CCNH: variants seen among roughly 807,000 people sequenced by gnomAD.
The protein encoded by CCNH is cyclin H, also known as cyclin-H.
A neutral mutation model predicts 41.9 loss-of-function variants in CCNH; 31 were observed. That is an observed-to-expected ratio of 0.74 (90% confidence interval 0.56 to 1.00). The LOEUF is 1.00. Ranked by LOEUF, CCNH falls within the 50% of genes least tolerant of loss-of-function variation. The pLI, the probability that CCNH is intolerant of heterozygous loss-of-function variation, is 0.00. For synonymous variants in CCNH, 138 were observed against 136.1 expected (o/e 1.01, Z -0.10); for missense variants, 362 against 388.4 (o/e 0.93, Z 0.57).
chr5:87,394,208 G>A (rs1397046925), downstream of CCNH: 18 of 1,154,212 alleles, frequency 1.6e-5, no homozygotes, highest in Non-Finnish European at 1.8e-5. Context: ...AGGCAAATGA[G>A]TTGCAGCTTT....
intron 9 of CCNH, among the ~76,000 whole-genome samples, chr5:87,354,082 C>T (rs1759475431): frequency 6.6e-6 from 1 of 151,996 alleles, no homozygotes; most frequent in Non-Finnish European, 1.5e-5. Context: ...GATGTTTCCT[C>T]CTAACAAATT....
At chr5:87,372,185 G>A (rs769775990), downstream of CCNH, 2 of 1,613,358 alleles carry the variant, frequency 1.2e-6, no homozygotes, top group South Asian at 2.2e-5. Context: ...TCCAATAAAC[G>A]CCTTCGTCAG....
chr5:87,383,199 T>C (rs1442552882), intron 9 of CCNH, among the ~76,000 whole-genome samples: 2 of 152,204 alleles, frequency 1.3e-5, no homozygotes, highest in African/African-American at 2.4e-5. Flanking sequence ...TGGATTCTTA[T>C]TTTTATGTGA....
chr5:87,338,799 A>G (rs1012250755), intron 9 of CCNH, among the ~76,000 whole-genome samples: 4 of 151,794 alleles, frequency 2.6e-5, no homozygotes, highest in Admixed American at 2.0e-4. Flanking sequence ...TCTTTCAAAT[A>G]TATATATAAT....
intron 9 of CCNH, chr5:87,363,252 A>G: frequency 8.7e-7 from 1 of 1,143,470 alleles, no homozygotes; most frequent in Non-Finnish European, 1.3e-6. Context: ...TGGAATAAAA[A>G]TTGATTGATT....
intron 9 of CCNH, chr5:87,385,248 G>A: frequency 9.0e-7 from 1 of 1,115,232 alleles, no homozygotes; most frequent in South Asian, 1.2e-5. Context: ...TAATGGTTTA[G>A]CTGGAAGTGC....
intron 9 of CCNH, among the ~76,000 whole-genome samples, chr5:87,343,150 C>A (rs1758602662): frequency 6.6e-6 from 1 of 152,106 alleles, no homozygotes. Flanking sequence ...CTACAAGTAA[C>A]CTTTGAGATT....
upstream of CCNH, chr5:87,378,421 C>T: frequency 6.2e-7 from 1 of 1,612,438 alleles, no homozygotes; most frequent in Non-Finnish European, 8.5e-7. Context: ...TATTTCGAGC[C>T]ACAACACTTG....
At chr5:87,407,849 G>T in intron 4 of CCNH, 127 bp downstream of exon 4, 2 of 685,552 alleles carry the variant, frequency 2.9e-6, no homozygotes, top group Non-Finnish European at 2.5e-6. Flanking sequence ...TAGATGACCA[G>T]GCCAGACCCA....
At chr5:87,357,270 AAAT>A (rs1436797293) in intron 9 of CCNH, among the ~76,000 whole-genome samples, 1 of 151,954 alleles carries the variant, frequency 6.6e-6, no homozygotes, top group Non-Finnish European at 1.5e-5. Flanking sequence ...TGTATTTTTT[AAAT>A]AACATGGGTG....
intron 9 of CCNH, chr5:87,362,804 T>C: frequency 2.0e-6 from 2 of 1,010,734 alleles, no homozygotes; most frequent in Non-Finnish European, 2.9e-6. Flanking sequence ...AGAGCCCATA[T>C]ATAAGCATTC....
chr5:87,407,981 A>T lies in CCNH; in HGVS notation c.520T>A (p.Leu174Ile), dbSNP rs1265725854. ...TTATTTTACATCAAGTTTACCTTTA[A>T]GTCGATGAGGAAGCCCTCAAATGGT... The part of the protein sequence containing the change: ...YRPFEGFLID[L>I]KTRYPILENP... Residue 174 changes from leucine (L) to isoleucine (I), a missense_variant, in exon 4 of 9, where the codon TTA (leucine) becomes ATA (isoleucine). Leu to Ile is a conservative substitution (Grantham distance 5). Transcript: ENST00000256897. 1.2e-6 allele frequency: 2 copies of T among 1,606,976 alleles called. No individual in the cohort carries two copies.
chr5:87,332,164 C>T (rs1304722881), intron 9 of CCNH, among the ~76,000 whole-genome samples: 4 of 151,978 alleles, frequency 2.6e-5, no homozygotes, highest in African/African-American at 4.8e-5. Context: ...TCTGTGAGCT[C>T]CTTTTAGCCA....
chr5:87,374,930 GAA>G (rs751406972), downstream of CCNH: 1 of 1,598,134 alleles, frequency 6.3e-7, no homozygotes, highest in South Asian at 1.1e-5. Flanking sequence ...AGTTGATACA[GAA>G]ACTTTCTAAA....
Position 87,376,373 on chromosome 5 carries a change from T to C in CCNH, n.808A>G, listed in dbSNP as rs771010524. On this transcript the variant is annotated non_coding_transcript_exon_variant, in exon 1 of 1. Coordinates refer to the CCNH transcript ENST00000607486. ...TCGTGTTCTCTTTTTAAACAATAAT[T>C]GCTTGTTTTTCTTCCCAAGTATTTA... is the stretch of plus-strand genomic sequence containing the variant. 6 of 1,613,444 alleles carry C rather than the reference T, an allele frequency of 3.7e-6. No homozygotes were observed. Among genetic ancestry groups the C allele is most frequent in the Non-Finnish European group, 5.1e-6 (6 of 1,179,674 alleles).
intron 4 of CCNH, among the ~76,000 whole-genome samples, chr5:87,405,960 C>T (rs1763758788): frequency 6.6e-6 from 1 of 152,134 alleles, no homozygotes; most frequent in Non-Finnish European, 1.5e-5. Flanking sequence ...TCATTGACCT[C>T]AGCAAGGCTC....
intron 8 of CCNH, chr5:87,394,738 AT>A (rs1762785151): frequency 1.3e-5 from 17 of 1,326,344 alleles, no homozygotes; most frequent in East Asian, 8.5e-5. Context: ...CAGATAGAAA[AT>A]TTTTTTTAAA....
chr5:87,380,349 C>A (rs1761621971), upstream of CCNH, among the ~76,000 whole-genome samples: 1 of 151,940 alleles, frequency 6.6e-6, no homozygotes, highest in Admixed American at 6.6e-5. Context: ...TTTTCCTTAC[C>A]CCTTGCTAAA....
chr5:87,370,173 T>G (rs1455121277), intron 9 of CCNH, among the ~76,000 whole-genome samples: 1 of 152,192 alleles, frequency 6.6e-6, no homozygotes, highest in African/African-American at 2.4e-5. Context: ...AATGCTCATT[T>G]AAAATCCTCT....
Sources: gnomAD v4.1 joint callset for allele counts (sites outside exome capture counted in the v4.1 genomes callset) on GRCh38, gnomAD v4.1.1 for gene constraint, MANE v1.5 for transcripts, NCBI Gene and HGNC (gene_info 2026-07-23, HGNC 2026-07-21) for gene names.